The following MYO7A variants were observed in gnomAD, a reference collection of about 807,000 sequenced individuals.
MYO7A encodes myosin VIIA.
MYO7A carries 210 observed loss-of-function variants against 263.8 expected under a neutral mutation model. The observed-to-expected ratio is 0.80, with a 90% CI of 0.71 to 0.89. The LOEUF (loss-of-function observed/expected upper bound fraction) is 0.89, where lower values mean the gene tolerates loss of function less well. Among genes scored for constraint, MYO7A ranks in the 40% least tolerant of loss-of-function variants. The pLI is 0.00. For synonymous variants in MYO7A, 1,239 were observed against 1,197.3 expected, an observed-to-expected ratio of 1.03 and a Z score of -0.72; for missense variants, 2,820 against 2,968.3, an observed-to-expected ratio of 0.95 and a Z score of 1.16.
chr11:77,147,826 C>A lies in MYO7A; in HGVS notation c.161C>A (p.Thr54Lys). 6.2e-7 allele frequency: 1 copy of A among 1,610,504 alleles called. No homozygotes were observed. Among genetic ancestry groups the A allele is most frequent in the Non-Finnish European group, 8.5e-7 (1 of 1,178,970 alleles). Reference sequence around the variant, plus strand: ...CACTGGATCTCTCCGCAGAACGCAACGCACATCAAGCCTATGCACCCCACG... The same window carrying A: ...CACTGGATCTCTCCGCAGAACGCAAAGCACATCAAGCCTATGCACCCCACG... ...NEHWISPQNATHIKPMHPTSV... is the reference protein window; with the variant it reads ...NEHWISPQNAKHIKPMHPTSV... Residue 54 changes from threonine (T) to lysine (K), a missense_variant, in exon 4 of 49, where the codon ACG becomes AAG. Transcript: ENST00000409709.
In MYO7A at chr11:77,179,814, G is replaced by T. The variant is rs148343670; in HGVS notation, c.2447G>T (p.Arg816Leu). 2.6e-6 allele frequency: 4 copies of T among 1,547,046 alleles called. No homozygotes were observed. Among genetic ancestry groups the T allele is most frequent in the South Asian group, 1.2e-5 (1 of 84,168 alleles). Reference sequence around the variant, plus strand: ...CAGCAGTACCGCCTGGCCCGCCAGCGCATCATCCAGTTCCAGGCCCGCTGC... The same window carrying T: ...CAGCAGTACCGCCTGGCCCGCCAGCTCATCATCCAGTTCCAGGCCCGCTGC... ...LHQQYRLARQRIIQFQARCRA... is the reference protein window; with the variant it reads ...LHQQYRLARQLIIQFQARCRA... The change falls in exon 21 of 49, where the codon CGC becomes CTC. Residue 816 changes from arginine (R) to leucine (L), a missense_variant. Coordinates refer to ENST00000409709, the MANE Select transcript of MYO7A (RefSeq NM_000260.4).
chr11:77,167,770 A>T (rs187023715), intron 15 of MYO7A, among the ~76,000 whole-genome samples: 1 of 152,054 alleles, frequency 6.6e-6, no homozygotes, highest in East Asian at 1.9e-4. Flanking sequence ...GAAACAATCC[A>T]CACACCCCCA....
chr11:77,165,926 C>T (rs1555072181), intron 14 of MYO7A, 130 bp from the exon 15 acceptor site: 1 of 622,436 alleles, frequency 1.6e-6, no homozygotes, highest in Non-Finnish European at 2.8e-6. Flanking sequence ...CTCCAGGCCT[C>T]AGGGCCCCCG....
rs1555070029 is a variant in MYO7A, at chr11:77,162,850, C to T, written c.1555-3C>T. 1.2e-6 allele frequency: 2 copies of T among 1,613,294 alleles called. No homozygotes were observed. The highest frequency in any genetic ancestry group is 1.7e-5 in the Admixed American group (1 of 59,980). On this transcript the variant is annotated splice_polypyrimidine_tract_variant and splice_region_variant and intron_variant, in intron 13 of 48. Coordinates refer to ENST00000409709, the MANE Select transcript of MYO7A (RefSeq NM_000260.4). ...GGCTCACAGCTGCCCCTCCACTCCCCAGGGCACAGACACCACCATGTTACA... is the reference window on the plus strand; with the variant it reads ...GGCTCACAGCTGCCCCTCCACTCCCTAGGGCACAGACACCACCATGTTACA...
chr11:77,153,764 T>C (rs1251486431), intron 4 of MYO7A, among the ~76,000 whole-genome samples: 1 of 152,152 alleles, frequency 6.6e-6, no homozygotes, highest in African/African-American at 2.4e-5. Context: ...GCCTCTGTGC[T>C]TGCTACCAGC....
rs113925112 is a variant in MYO7A, at chr11:77,180,846, G to A, written c.2694+365G>A. Among the ~76,000 whole-genome samples the A allele has an allele frequency of 1.2e-3, 183 of 152,314 alleles. 2 individuals are homozygous for A. Among genetic ancestry groups the A allele is most frequent in the African/African-American group, 4.3e-3 (178 of 41,556 alleles). The stretch of plus-strand genomic sequence containing the variant: ...TGAACACTTGCAGTGTGGCCTGTCC[G>A]AATGACACAGTGCTTTAAGTGTGAA... On this transcript the variant is annotated intron_variant, in intron 22 of 48. Transcript: ENST00000409709.
At chr11:77,168,863 C>A (rs1953815288) in intron 15 of MYO7A, among the ~76,000 whole-genome samples, 1 of 152,268 alleles carries the variant, frequency 6.6e-6, no homozygotes, top group African/African-American at 2.4e-5. Flanking sequence ...AGGTCACATA[C>A]CTTGTGACAC....
intron 37 of MYO7A, 64 bp downstream of exon 37, chr11:77,202,488 T>A: frequency 1.2e-5 from 18 of 1,521,256 alleles, no homozygotes; most frequent in Non-Finnish European, 1.6e-5. Flanking sequence ...CGCTACTGTC[T>A]GGTCGTGTGC....
chr11:77,169,014 C>A (rs1327281805), intron 15 of MYO7A, among the ~76,000 whole-genome samples: 3 of 152,202 alleles, frequency 2.0e-5, no homozygotes, highest in African/African-American at 7.2e-5. Flanking sequence ...TCTCCATAAA[C>A]GTCACATCTT....
rs1565443530 is a variant in MYO7A, at chr11:77,193,065, TGATGGTGGAGGTA to T, written c.4152+789_4152+801del. 6.8e-4 allele frequency among the ~76,000 whole-genome samples: 69 copies of T among 102,122 alleles called. 7 individuals carry two copies. The highest frequency in any genetic ancestry group is 2.2e-3 in the African/African-American group (68 of 30,246). The allele number at this position is 102,122 out of a possible 152,430, so 67.0% of individuals were successfully genotyped here. A position where few individuals can be genotyped will look rare whatever the true frequency, so the allele number is the denominator to read the frequency against. The stretch of plus-strand genomic sequence containing the variant: ...ATGGTGGAGGTGGTGATGGTGTTGG[TGATGGTGGAGGTA>T]GTTGTTTGTGATGGTGGAGGTAGTG... On this transcript the variant is annotated intron_variant, in intron 31 of 48. Coordinates refer to ENST00000409709, the MANE Select transcript of MYO7A (RefSeq NM_000260.4).
chr11:77,129,328 G>A (rs782224872), intron 1 of MYO7A, among the ~76,000 whole-genome samples: 7 of 152,372 alleles, frequency 4.6e-5, no homozygotes, highest in Non-Finnish European at 7.3e-5. Context: ...GGTTTGCTGT[G>A]TCCCAGAGCT....
Position 77,206,200 on chromosome 11 carries a change from G to C in MYO7A, c.5740G>C (p.Glu1914Gln), listed in dbSNP as rs750306282. 1 of 1,608,776 alleles carries C rather than the reference G, an allele frequency of 6.2e-7. No individual in the cohort carries two copies. Among genetic ancestry groups the C allele is most frequent in the Non-Finnish European group, 8.5e-7 (1 of 1,176,494 alleles). Residue 1914 changes from glutamate to glutamine, a missense_variant and splice_region_variant, in exon 41 of 49, where the codon GAG (glutamate) becomes CAG (glutamine). Coordinates refer to ENST00000409709, the MANE Select transcript of MYO7A (RefSeq NM_000260.4). ...AGTCTACTTCCCTGATGACACTGAC[G>C]AGGTGAGGGTCACCGGCTTCTAGGT... ...HKVYFPDDTD[E>Q]AFEVESSTKA...
rs780576830 is a variant in MYO7A at position 77,194,341 on chromosome 11, TC to T, written c.4153-7del. On this transcript the variant is annotated splice_polypyrimidine_tract_variant and intron_variant, in intron 31 of 48. Coordinates refer to ENST00000409709, the MANE Select transcript of MYO7A (RefSeq NM_000260.4). ...CCTGGGCCAATGCATGACCGAGGCC[TC>T]CCCCCACCTAGGAGGACGACCTGGC... 1.9e-6 allele frequency: 3 copies of T among 1,608,328 alleles called. No homozygotes were observed. Among genetic ancestry groups the T allele is most frequent in the East Asian group, 2.2e-5 (1 of 44,682 alleles).
intron 2 of MYO7A, among the ~76,000 whole-genome samples, chr11:77,142,157 C>T (rs150973184): frequency 8.3e-4 from 127 of 152,364 alleles, no homozygotes; most frequent in Non-Finnish European, 1.3e-3. Context: ...AAGCGACATC[C>T]TCCCCCAGGA....
In MYO7A at chr11:77,211,349, G is replaced by A; in HGVS notation, c.6237+12G>A. 2 of 1,568,280 alleles carry A rather than the reference G, an allele frequency of 1.3e-6. No homozygotes were observed. The highest frequency in any genetic ancestry group is 1.7e-6 in the Non-Finnish European group (2 of 1,156,402). ...ATGACTGGAAGCGGGTGAGCATGGG[G>A]TGGGCATCGGGAATGGTGGGGCCCT... is the stretch of plus-strand genomic sequence containing the variant. On this transcript the variant is annotated intron_variant, in intron 45 of 48. Coordinates refer to ENST00000409709, the MANE Select transcript of MYO7A (RefSeq NM_000260.4).
intron 44 of MYO7A, 175 bp downstream of exon 44, chr11:77,208,978 G>T (rs1468156457): frequency 3.3e-6 from 2 of 608,400 alleles, no homozygotes; most frequent in African/African-American, 3.7e-5. Context: ...CCTGATCCTT[G>T]TATCTTCTGA....
Position 77,190,144 on chromosome 11 carries a change from G to C in MYO7A, c.3750+5G>C. 1 of 1,555,718 alleles carries C rather than the reference G, an allele frequency of 6.4e-7. No homozygotes were observed. Among genetic ancestry groups the C allele is most frequent in the South Asian group, 1.2e-5 (1 of 83,822 alleles). ...CCCAGCTGGCTGGAGCTGCAGGTTC[G>C]TGCGTGTGTATGCACGTGCTCGTGT... On this transcript the variant is annotated splice_donor_5th_base_variant and intron_variant, in intron 29 of 48. Coordinates refer to ENST00000409709, the MANE Select transcript of MYO7A (RefSeq NM_000260.4).
chr11:77,173,293 C>A (rs1555077768), intron 16 of MYO7A, among the ~76,000 whole-genome samples: 1 of 152,250 alleles, frequency 6.6e-6, no homozygotes, highest in Non-Finnish European at 1.5e-5. Context: ...CTTGCTGGGG[C>A]TGCTTCTTTG....
In MYO7A at chr11:77,147,987, C is replaced by T. The variant is rs1555054984; in HGVS notation, c.285+37C>T. The T allele has an allele frequency of 2.7e-6, 4 of 1,492,566 alleles. No individual in the cohort carries two copies. In the Admixed American group the frequency reaches 6.2e-5, roughly 23 times the overall value. The allele number at this position is 1,492,566 out of a possible 1,614,324, so 92.5% of individuals were successfully genotyped here. A position where few individuals can be genotyped will look rare whatever the true frequency, so the allele number is the denominator to read the frequency against. The stretch of plus-strand genomic sequence containing the variant: ...CCCGCCCGGTGCCCGTCCAGGCCCC[C>T]TCAGGCCCCGCCCCGCCCACCTCGC... On this transcript the variant is annotated intron_variant, in intron 4 of 48. Coordinates refer to ENST00000409709, the MANE Select transcript of MYO7A (RefSeq NM_000260.4).
Sources: gnomAD v4.1 joint callset for allele counts (sites outside exome capture counted in the v4.1 genomes callset) on GRCh38, gnomAD v4.1.1 for gene constraint, MANE v1.5 for transcripts, NCBI Gene and HGNC (gene_info 2026-07-23, HGNC 2026-07-21) for gene names.